PAX8: variants seen among roughly 807,000 people sequenced by gnomAD.
The protein encoded by PAX8 is paired box 8, also known as paired box protein Pax-8.
A neutral mutation model predicts 52.4 loss-of-function variants in PAX8; 15 were observed. That is an observed-to-expected ratio of 0.29 (90% CI 0.19 to 0.44). PAX8 has a LOEUF of 0.44. PAX8 is among the 20% of genes least tolerant of loss of function. The pLI is 1.00. For missense variants in PAX8, 554 were observed against 602.5 expected (o/e 0.92, Z 0.84); for synonymous variants, 284 against 249.7 (o/e 1.14, Z -1.29).
At chr2:113,278,282 G>A in intron 2 of PAX8, 88 bp downstream of exon 2, 1 of 1,103,698 alleles carries the variant, frequency 9.1e-7, no homozygotes, top group Non-Finnish European at 1.4e-6. Context: ...ATCCCGTGCT[G>A]ACGCTCTCGA....
chr2:113,242,703 G>A lies in PAX8; in HGVS notation c.465C>T (p.Pro155=), dbSNP rs368339001. 2.4e-5 allele frequency: 39 copies of A among 1,612,666 alleles called. No homozygotes were observed. The highest frequency in any genetic ancestry group is 1.6e-4 in the East Asian group (7 of 44,868). Reference sequence around the variant, plus strand: ...CTCAGCACTCACTCAGCGTGTGTCCGGGACTCAGGGACTTGGTGGCCACGC... The same window carrying A: ...CTCAGCACTCACTCAGCGTGTGTCCAGGACTCAGGGACTTGGTGGCCACGC... ...DSCVATKSLS[P]GHTLIPSSAV... The change falls in exon 5 of 12, where the codon CCC becomes CCT. Residue 155 remains proline, a synonymous_variant. Coordinates refer to ENST00000429538, the MANE Select transcript of PAX8 (RefSeq NM_003466.4).
chr2:113,243,832 C>A (rs1041343818), intron 4 of PAX8, among the ~76,000 whole-genome samples: 3 of 152,334 alleles, frequency 2.0e-5, no homozygotes, highest in African/African-American at 7.2e-5. Flanking sequence ...CCTGTGCTAC[C>A]TTGCATATCT....
intron 5 of PAX8, among the ~76,000 whole-genome samples, chr2:113,242,418 C>T (rs1036552710): frequency 6.6e-6 from 1 of 152,066 alleles, no homozygotes; most frequent in African/African-American, 2.4e-5. Context: ...GGGCTCAGGT[C>T]CTTCCTCCAG....
intron 2 of PAX8, among the ~76,000 whole-genome samples, chr2:113,254,606 C>A (rs1162751280): frequency 6.6e-6 from 1 of 152,172 alleles, no homozygotes. Context: ...ATTTAAGAAT[C>A]CTTGCAAGGC....
intron 2 of PAX8, chr2:113,272,276 G>A (rs552939476): frequency 6.6e-6 from 1 of 152,310 alleles, no homozygotes; most frequent in South Asian, 2.1e-4. Context: ...CCCAGACTCA[G>A]TTACATGAAT....
At chr2:113,236,498 G>T in intron 8 of PAX8, 103 bp downstream of exon 8, 1 of 1,359,252 alleles carries the variant, frequency 7.4e-7, no homozygotes, top group South Asian at 1.4e-5. Flanking sequence ...GGCACAGCCC[G>T]CCTCTCCTCT....
At chr2:113,219,705 G>A (rs1689171735) in intron 11 of PAX8, among the ~76,000 whole-genome samples, 1 of 152,168 alleles carries the variant, frequency 6.6e-6, no homozygotes, top group African/African-American at 2.4e-5. Flanking sequence ...TTACATTCTG[G>A]CGGGTGCCCT....
rs541714189 is a variant in PAX8 at position 113,220,421 on chromosome 2, C to T, written c.1190-243G>A. 97 of 482,852 alleles carry T rather than the reference C, an allele frequency of 2.0e-4. No individual in the cohort carries two copies. The East Asian group carries it at 3.1e-3, about 16-fold the overall frequency. The allele number at this position is 482,852 out of a possible 1,614,324, so 29.9% of individuals were successfully genotyped here. A position where few individuals can be genotyped will look rare whatever the true frequency, so the allele number is the denominator to read the frequency against. ...GTACTGGAGGCACTGGCTTGACATA[C>T]TACAGCCCTCCCAGGAGGCCCAGAA... On this transcript the variant is annotated intron_variant, in intron 10 of 11. Coordinates refer to ENST00000429538, the MANE Select transcript of PAX8 (RefSeq NM_003466.4).
At chr2:113,236,479 G>A (rs1286397733) in intron 8 of PAX8, 122 bp downstream of exon 8, 11 of 1,199,446 alleles carry the variant, frequency 9.2e-6, no homozygotes, top group Admixed American at 5.4e-5. Context: ...CCCACCTGGC[G>A]GCCCGGCCGG....
chr2:113,236,590 G>T lies in PAX8; in HGVS notation c.898+11C>A. 1 of 1,560,636 alleles carries T rather than the reference G, an allele frequency of 6.4e-7. No homozygotes were observed. Among genetic ancestry groups the T allele is most frequent in the South Asian group, 1.2e-5 (1 of 84,770 alleles). ...GCCCTCCACCTGCCAGGGAGGCTCC[G>T]GGCGTTGTACCTGCCACCACGGGGT... is the stretch of plus-strand genomic sequence containing the variant. On this transcript the variant is annotated intron_variant, in intron 8 of 11. Coordinates refer to ENST00000429538, the MANE Select transcript of PAX8 (RefSeq NM_003466.4).
chr2:113,256,942 G>T (rs1206588667), intron 2 of PAX8, among the ~76,000 whole-genome samples: 3 of 152,072 alleles, frequency 2.0e-5, no homozygotes, highest in Non-Finnish European at 4.4e-5. Flanking sequence ...GTCCACAAAT[G>T]TTAGCCATTA....
intron 3 of PAX8, among the ~76,000 whole-genome samples, chr2:113,245,296 T>A (rs1248810263): frequency 6.6e-6 from 1 of 152,184 alleles, no homozygotes; most frequent in Non-Finnish European, 1.5e-5. Context: ...TCCGCCCACC[T>A]TGGCCTCCCA....
At chr2:113,224,585 T>C (rs979873446) in intron 10 of PAX8, among the ~76,000 whole-genome samples, 1 of 146,842 alleles carries the variant, frequency 6.8e-6, no homozygotes, top group African/African-American at 2.5e-5. Flanking sequence ...GATGGAAAGA[T>C]GGAAGGATCG....
chr2:113,242,271 A>G, intron 5 of PAX8, 141 bp from the exon 6 acceptor site: 5 of 683,420 alleles, frequency 7.3e-6, no homozygotes, highest in Admixed American at 2.4e-5. Context: ...GACACCCCTT[A>G]CAGCCCTGGG....
intron 9 of PAX8, among the ~76,000 whole-genome samples, chr2:113,229,113 T>C (rs948274527): frequency 7.2e-5 from 11 of 151,798 alleles, no homozygotes; most frequent in African/African-American, 2.7e-4. Flanking sequence ...GCCCAAGGGG[T>C]CAATGAACAA....
rs1391592816 is a variant in PAX8, at chr2:113,233,690, A to C, written c.1087+1704T>G. ...GAGATTCCATCTCAAAAAACAAAAA[A>C]ACAAAAAAAAAAGGGTCCAGGGACT... On this transcript the variant is annotated intron_variant, in intron 9 of 11. Coordinates refer to ENST00000429538, the MANE Select transcript of PAX8 (RefSeq NM_003466.4). Among the ~76,000 whole-genome samples the C allele has an allele frequency of 9.9e-5, 15 of 151,566 alleles. No homozygotes were observed. The East Asian group carries it at 1.7e-3, about 18-fold the overall frequency.
rs1374178595 is a variant in PAX8 at position 113,227,193 on chromosome 2, C to A, written c.1151G>T (p.Gly384Val). The A allele has an allele frequency of 1.2e-6, 2 of 1,609,002 alleles. No homozygotes were observed. The highest frequency in any genetic ancestry group is 2.2e-5 in the South Asian group (2 of 89,806). The change falls in exon 10 of 12, where the codon GGC becomes GTC. Residue 384 changes from glycine to valine, a missense_variant. By Grantham distance (109) the Gly-to-Val change is moderately radical. This residue lies in a region of PAX8 where 445 missense variants were observed against 409.9 expected (regional missense o/e 1.09). Coordinates refer to ENST00000429538, the MANE Select transcript of PAX8 (RefSeq NM_003466.4). ...TGCGATGGCAGAGGAGGCATAGCTG[C>A]CCTGTCCGCTGGTGGGGATGTGGGG... ...YPPHIPTSGQ[G>V]SYASSAIAGM...
Position 113,242,674 on chromosome 2 carries a change from G to C in PAX8, c.478+16C>G. 1 of 1,575,240 alleles carries C rather than the reference G, an allele frequency of 6.3e-7. No individual in the cohort carries two copies. The highest frequency in any genetic ancestry group is 8.7e-7 in the Non-Finnish European group (1 of 1,144,652). ...TACACGAGCATGTGTGTGTATCCAG[G>C]TCTCTCAGCACTCACTCAGCGTGTG... On this transcript the variant is annotated intron_variant, in intron 5 of 11. Coordinates refer to ENST00000429538, the MANE Select transcript of PAX8 (RefSeq NM_003466.4).
intron 1 of PAX8, 32 bp downstream of exon 1, chr2:113,278,799 G>T: frequency 9.9e-7 from 1 of 1,012,900 alleles, no homozygotes; most frequent in Non-Finnish European, 1.2e-6. Context: ...CTCACTGCTA[G>T]CCAGCTTCCA....
Sources: gnomAD v4.1 joint callset for allele counts (sites outside exome capture counted in the v4.1 genomes callset) on GRCh38, gnomAD v4.1.1 for gene constraint, gnomAD v4.1.1 regional missense constraint, MANE v1.5 for transcripts, NCBI Gene and HGNC (gene_info 2026-07-23, HGNC 2026-07-21) for gene names.